Variants in FAM168A observed in about 807,000 individuals in gnomAD.
FAM168A encodes family with sequence similarity 168 member A, also known as protein FAM168A.
In FAM168A, 3 loss-of-function variants were observed where a neutral mutation model predicts 28.5. The ratio of observed to expected loss-of-function variants is 0.11; its 90% CI spans 0.05 to 0.27. FAM168A has a LOEUF of 0.27. Ranked by LOEUF, FAM168A falls within the 10% of genes least tolerant of loss-of-function variation. FAM168A has a pLI of 1.00. For missense variants in FAM168A, 222 were observed against 311.5 expected (o/e 0.71, Z 2.16); for synonymous variants, 122 against 124.2 (o/e 0.98, Z 0.12).
intron 4 of FAM168A, among the ~76,000 whole-genome samples, chr11:73,412,768 A>G (rs113503184): frequency 0.011 from 1,660 of 152,306 alleles, 31 homozygotes; most frequent in African/African-American, 0.036. Flanking sequence ...CTGTGGTTCC[A>G]TCTTGGGTAA....
intron 1 of FAM168A, among the ~76,000 whole-genome samples, chr11:73,566,624 C>T (rs1007821005): frequency 6.6e-5 from 10 of 152,198 alleles, no homozygotes; most frequent in Admixed American, 5.9e-4. Context: ...TATGTACACA[C>T]TTACACAGGA....
intron 1 of FAM168A, among the ~76,000 whole-genome samples, chr11:73,493,550 G>A (rs987013940): frequency 6.6e-6 from 1 of 151,944 alleles, no homozygotes. Flanking sequence ...TAAGTAGCTG[G>A]GTCTACCGAC....
chr11:73,484,530 A>ATC lies in FAM168A; in HGVS notation c.-18-16039_-18-16038insGA, dbSNP rs536818505. 9.6e-3 allele frequency among the ~76,000 whole-genome samples: 1,292 copies of ATC among 134,522 alleles called. 26 individuals carry two copies. The highest frequency in any genetic ancestry group is 0.031 in the African/African-American group (1,196 of 38,442). 88.3% of individuals were successfully genotyped at this position (134,522 alleles called of 152,430 possible). ...GAGATATATATAGATATATATATCT[A>ATC]TATATCTATATATCTATCTATATCT... On this transcript the variant is annotated intron_variant, in intron 1 of 7. Coordinates refer to ENST00000356467, the MANE Select transcript of FAM168A (RefSeq NM_015159.3).
chr11:73,421,881 C>A (rs1866799194), intron 3 of FAM168A, among the ~76,000 whole-genome samples: 1 of 152,222 alleles, frequency 6.6e-6, no homozygotes, highest in Non-Finnish European at 1.5e-5. Context: ...CTCTTCCATT[C>A]AAATTTTTTC....
chr11:73,538,343 A>G (rs1282119262), intron 1 of FAM168A, among the ~76,000 whole-genome samples: 3 of 148,546 alleles, frequency 2.0e-5, no homozygotes. Context: ...ACAAAAAACA[A>G]AAAAAAAAAA....
chr11:73,439,522 T>C (rs1173094253), intron 2 of FAM168A, among the ~76,000 whole-genome samples: 1 of 152,180 alleles, frequency 6.6e-6, no homozygotes, highest in Non-Finnish European at 1.5e-5. Context: ...ATAAGTTGCT[T>C]AGACGCTAGT....
intron 1 of FAM168A, among the ~76,000 whole-genome samples, chr11:73,511,369 T>C (rs1279567038): frequency 6.6e-6 from 1 of 151,996 alleles, no homozygotes; most frequent in Non-Finnish European, 1.5e-5. Flanking sequence ...CCCAAGTAGC[T>C]GAGACTACAG....
Position 73,409,574 on chromosome 11 carries a change from C to T in FAM168A, c.508G>A (p.Ala170Thr). The change falls in exon 6 of 8, where the codon GCT (alanine) becomes ACT (threonine). Residue 170 changes from alanine (A) to threonine (T), a missense_variant. Transcript: ENST00000356467. ...GCGGCAACAGGTGCTGGGTAGATAG[C>T]AGAGGGAATGCTGTTGGGCTGGACG... ...TVVQPNSIPS[A>T]IYPAPVAAPR... 6.2e-7 allele frequency: 1 copy of T among 1,613,956 alleles called. No individual in the cohort carries two copies. Among genetic ancestry groups the T allele is most frequent in the African/African-American group, 1.3e-5 (1 of 75,040 alleles).
chr11:73,557,771 A>G (rs1269649186), intron 1 of FAM168A, among the ~76,000 whole-genome samples: 1 of 152,214 alleles, frequency 6.6e-6, no homozygotes, highest in Non-Finnish European at 1.5e-5. Context: ...AAAATTCACT[A>G]TAAAACTATG....
chr11:73,544,704 T>C (rs1207735765), intron 1 of FAM168A, among the ~76,000 whole-genome samples: 1 of 128,530 alleles, frequency 7.8e-6, no homozygotes, highest in Admixed American at 9.9e-5. Context: ...TATATGTAAT[T>C]ATATATAATT....
At chr11:73,482,160 A>G (rs1245500105) in intron 1 of FAM168A, among the ~76,000 whole-genome samples, 1 of 150,272 alleles carries the variant, frequency 6.7e-6, no homozygotes, top group Non-Finnish European at 1.5e-5. Context: ...CACAAAATAC[A>G]CAAAGACAAC....
chr11:73,482,858 C>G (rs967752444), intron 1 of FAM168A, among the ~76,000 whole-genome samples: 1 of 152,156 alleles, frequency 6.6e-6, no homozygotes, highest in South Asian at 2.1e-4. Context: ...CCTACCTCAG[C>G]CTCCCAAGTA....
At chr11:73,495,859 T>C (rs1240301524) in intron 1 of FAM168A, among the ~76,000 whole-genome samples, 2 of 152,194 alleles carry the variant, frequency 1.3e-5, no homozygotes, top group East Asian at 1.9e-4. Flanking sequence ...TGGAAAACAA[T>C]ACAGAGGTTC....
intron 1 of FAM168A, among the ~76,000 whole-genome samples, chr11:73,500,627 C>T (rs994697380): frequency 2.0e-5 from 3 of 152,098 alleles, no homozygotes; most frequent in Admixed American, 6.5e-5. Context: ...CCTTTCCAGA[C>T]AAGCAAATGC....
At chr11:73,466,010 A>C (rs1867730063) in intron 2 of FAM168A, among the ~76,000 whole-genome samples, 1 of 152,156 alleles carries the variant, frequency 6.6e-6, no homozygotes, top group African/African-American at 2.4e-5. Context: ...ATTGGCTAGA[A>C]GACAGCTGCT....
intron 2 of FAM168A, among the ~76,000 whole-genome samples, chr11:73,438,827 G>C (rs878897124): frequency 6.6e-6 from 1 of 152,150 alleles, no homozygotes; most frequent in Non-Finnish European, 1.5e-5. Flanking sequence ...AAGATGTTTA[G>C]GAGGCAGAGC....
chr11:73,431,340 C>A (rs967741303), intron 2 of FAM168A, among the ~76,000 whole-genome samples: 1 of 151,608 alleles, frequency 6.6e-6, no homozygotes, highest in Non-Finnish European at 1.5e-5. Flanking sequence ...AGACTCCATC[C>A]GCTGCCCCCC....
At chr11:73,495,165 T>C (rs1341255364) in intron 1 of FAM168A, among the ~76,000 whole-genome samples, 1 of 147,864 alleles carries the variant, frequency 6.8e-6, no homozygotes, top group Non-Finnish European at 1.5e-5. Flanking sequence ...CCGTCTCTGC[T>C]GAAAATACAA....
intron 1 of FAM168A, among the ~76,000 whole-genome samples, chr11:73,517,061 C>T (rs1206278083): frequency 6.6e-6 from 1 of 152,150 alleles, no homozygotes; most frequent in African/African-American, 2.4e-5. Flanking sequence ...AAATTTGTAG[C>T]TGTAATTACG....
Sources: gnomAD v4.1 joint callset for allele counts (sites outside exome capture counted in the v4.1 genomes callset) on GRCh38, gnomAD v4.1.1 for gene constraint, MANE v1.5 for transcripts, NCBI Gene and HGNC (gene_info 2026-07-23, HGNC 2026-07-21) for gene names.